TENM4: variants seen among roughly 807,000 people sequenced by gnomAD.
The protein encoded by TENM4 is teneurin transmembrane protein 4, also known as teneurin-4.
In TENM4, 82 loss-of-function variants were observed where a neutral mutation model predicts 243.3. The ratio of observed to expected loss-of-function variants is 0.34; its 90% CI spans 0.28 to 0.40. TENM4 has a LOEUF of 0.40. Among genes scored for constraint, TENM4 ranks in the 10% least tolerant of loss-of-function variants. The probability of loss-of-function intolerance (pLI) is 1.00; values close to 1 mark genes in which losing one functional copy is unlikely to be tolerated. For missense variants in TENM4, 3,138 were observed against 3,673.3 expected, an observed-to-expected ratio of 0.85 and a Z score of 3.77; for synonymous variants, 1,412 against 1,456.3, an observed-to-expected ratio of 0.97 and a Z score of 0.69.
intron 28 of TENM4, among the ~76,000 whole-genome samples, chr11:78,697,178 AC>A (rs1858989898): frequency 6.6e-6 from 1 of 152,206 alleles, no homozygotes; most frequent in Admixed American, 6.5e-5. Flanking sequence ...CCCAATTGCT[AC>A]AGCCTCCAAG....
intron 1 of TENM4, among the ~76,000 whole-genome samples, chr11:79,301,369 A>T (rs1856547020): frequency 6.6e-6 from 1 of 152,156 alleles, no homozygotes; most frequent in East Asian, 1.9e-4. Context: ...GCGAATATCA[A>T]GACCCTGGGT....
chr11:79,220,822 T>G (rs1173496954), intron 2 of TENM4, among the ~76,000 whole-genome samples: 2 of 152,190 alleles, frequency 1.3e-5, no homozygotes, highest in African/African-American at 4.8e-5. Flanking sequence ...CTACCTTATT[T>G]TGAGATCTGT....
At chr11:79,197,027 C>A (rs549342598) in intron 3 of TENM4, among the ~76,000 whole-genome samples, 1 of 152,298 alleles carries the variant, frequency 6.6e-6, no homozygotes, top group South Asian at 2.1e-4. Context: ...TCTGAGTCCT[C>A]AATATTCCAT....
chr11:79,007,088 G>T (rs1221865531), intron 6 of TENM4, among the ~76,000 whole-genome samples: 1 of 152,162 alleles, frequency 6.6e-6, no homozygotes. Flanking sequence ...TCACAAGCTT[G>T]CCAGCCTACC....
Position 79,181,391 on chromosome 11 carries a change from C to T in TENM4, c.-162-32585G>A, listed in dbSNP as rs180789992. 2.3e-3 allele frequency among the ~76,000 whole-genome samples: 357 copies of T among 152,238 alleles called. 1 individual carries two copies. The highest frequency in any genetic ancestry group is 8.0e-3 in the African/African-American group (331 of 41,548). ...AAAAAGCATTTGACAAAATTCAACA[C>T]TCGTTTATGACAAAACCTCTCAGTA... On this transcript the variant is annotated intron_variant, in intron 3 of 33. Coordinates refer to ENST00000278550, the MANE Select transcript of TENM4 (RefSeq NM_001098816.3).
intron 6 of TENM4, among the ~76,000 whole-genome samples, chr11:78,977,827 C>T (rs1268579473): frequency 6.6e-6 from 1 of 152,130 alleles, no homozygotes; most frequent in Non-Finnish European, 1.5e-5. Context: ...CCAGAAATAC[C>T]ATTTGACCCA....
At chr11:79,021,350 G>A (rs1858921254) in intron 6 of TENM4, among the ~76,000 whole-genome samples, 1 of 152,118 alleles carries the variant, frequency 6.6e-6, no homozygotes, top group Non-Finnish European at 1.5e-5. Flanking sequence ...TACTGTTTGG[G>A]TTCCCTCAGG....
intron 15 of TENM4, among the ~76,000 whole-genome samples, chr11:78,791,240 T>C (rs938130361): frequency 2.2e-4 from 33 of 152,212 alleles, no homozygotes; most frequent in African/African-American, 8.0e-4. Flanking sequence ...TATTGTTTCT[T>C]TTTTTCTTAT....
At chr11:79,018,224 G>GTGCC (rs1162569726) in intron 6 of TENM4, among the ~76,000 whole-genome samples, 1 of 152,186 alleles carries the variant, frequency 6.6e-6, no homozygotes, top group Non-Finnish European at 1.5e-5. Flanking sequence ...ATACTGGTTT[G>GTGCC]TGCCTGTTCT....
rs187374946 is a variant in TENM4, at chr11:78,877,489, C to T, written c.1084+12296G>A. Among the ~76,000 whole-genome samples, 19 of 152,258 alleles carry T rather than the reference C, an allele frequency of 1.2e-4. No homozygotes were observed. In the East Asian group the frequency reaches 3.1e-3, roughly 25 times the overall value. On this transcript the variant is annotated intron_variant, in intron 9 of 33. Transcript: ENST00000278550. Reference sequence around the variant, plus strand: ...CACAGTAATTAGTCTGGAATACAAACGAGACGGGGAAAATTCCTTTCCAAG... The same window carrying T: ...CACAGTAATTAGTCTGGAATACAAATGAGACGGGGAAAATTCCTTTCCAAG...
rs1855686409 is a variant in TENM4 at position 78,732,230 on chromosome 11, T to C, written c.3138+86A>G. The C allele has an allele frequency of 4.0e-6, 6 of 1,510,538 alleles. No individual in the cohort carries two copies. The African/African-American group carries it at 7.0e-5, about 18-fold the overall frequency. The allele number at this position is 1,510,538 out of a possible 1,614,324, so 93.6% of individuals were successfully genotyped here. On this transcript the variant is annotated intron_variant, in intron 21 of 33. Transcript: ENST00000278550. Reference sequence around the variant, plus strand: ...TGACCCAAGCCCTACAGAGGTGTTTTTTCTCTTTCCACTGTCTCTGAGATC... The same window carrying C: ...TGACCCAAGCCCTACAGAGGTGTTTCTTCTCTTTCCACTGTCTCTGAGATC...
intron 3 of TENM4, among the ~76,000 whole-genome samples, chr11:79,192,007 G>C (rs1452437350): frequency 2.0e-5 from 3 of 150,976 alleles, no homozygotes; most frequent in South Asian, 4.2e-4. Flanking sequence ...GCCTCTGCCC[G>C]GCTGCCCCTA....
intron 15 of TENM4, among the ~76,000 whole-genome samples, chr11:78,796,994 C>T (rs1857174490): frequency 6.6e-6 from 1 of 152,196 alleles, no homozygotes; most frequent in African/African-American, 2.4e-5. Context: ...TATTAGTACA[C>T]CAAAGTCATG....
chr11:79,016,566 T>C (rs1416335528), intron 6 of TENM4, among the ~76,000 whole-genome samples: 1 of 152,092 alleles, frequency 6.6e-6, no homozygotes, highest in Non-Finnish European at 1.5e-5. Flanking sequence ...AGTTTATAAT[T>C]TGGAGGAGGA....
intron 3 of TENM4, among the ~76,000 whole-genome samples, chr11:79,160,058 C>A (rs1475774154): frequency 6.6e-6 from 1 of 151,914 alleles, no homozygotes; most frequent in Non-Finnish European, 1.5e-5. Flanking sequence ...TCTTTCTATC[C>A]TTCATTCACT....
chr11:79,125,048 T>C (rs775393706), intron 4 of TENM4, among the ~76,000 whole-genome samples: 2 of 151,612 alleles, frequency 1.3e-5, no homozygotes, highest in African/African-American at 4.8e-5. Flanking sequence ...TCAGGGTTTC[T>C]GGAATTGGTT....
intron 1 of TENM4, among the ~76,000 whole-genome samples, chr11:79,300,960 C>A (rs1856540481): frequency 6.6e-6 from 1 of 152,116 alleles, no homozygotes; most frequent in Admixed American, 6.5e-5. Context: ...CTACTCACAG[C>A]CAATCAATCA....
intron 6 of TENM4, among the ~76,000 whole-genome samples, chr11:79,013,953 G>T (rs1352142298): frequency 6.6e-6 from 1 of 151,928 alleles, no homozygotes; most frequent in Admixed American, 6.6e-5. Flanking sequence ...TTATATTCCC[G>T]ATTTGCCCCT....
intron 2 of TENM4, among the ~76,000 whole-genome samples, chr11:79,259,428 A>G (rs962566237): frequency 2.5e-4 from 38 of 152,148 alleles, no homozygotes; most frequent in East Asian, 1.9e-4. Context: ...CCTTCCTAGA[A>G]CATACATTCT....
Sources: allele counts gnomAD v4.1 joint callset (sites outside exome capture counted in the v4.1 genomes callset), GRCh38; gene constraint gnomAD v4.1.1; transcripts MANE v1.5; gene names NCBI Gene and HGNC (gene_info 2026-07-23, HGNC 2026-07-21).